Variants in LMF1 observed in about 807,000 individuals in gnomAD.
The protein encoded by LMF1 is transmembrane protein 112.
In LMF1, 68 loss-of-function variants were observed where a neutral mutation model predicts 60.6. The observed-to-expected ratio is 1.12, with a 90% CI of 0.92 to 1.37. The LOEUF (loss-of-function observed/expected upper bound fraction) is 1.37. Ranked by LOEUF, LMF1 falls within the 40% of genes most tolerant of loss-of-function variation. The pLI is 0.00. For synonymous variants in LMF1, 418 were observed against 324.7 expected, an observed-to-expected ratio of 1.29 and a Z score of -3.09; for missense variants, 948 against 767.2, an observed-to-expected ratio of 1.24 and a Z score of -2.78.
chr16:934,392 C>A lies in LMF1; in HGVS notation c.504-138G>T. 4 of 1,056,410 alleles carry A rather than the reference C, an allele frequency of 3.8e-6. No homozygotes were observed. In the South Asian group the frequency reaches 4.1e-5, roughly 11 times the overall value. 65.4% of individuals were successfully genotyped at this position (1,056,410 alleles called of 1,614,324 possible). ...GGGAAGCCCTGCGAGGAGGACCTGC[C>A]CGCTGGGCATTAGGGGAACAGGAGC... On this transcript the variant is annotated intron_variant, in intron 2 of 10. Transcript: ENST00000262301.
At chr16:895,843 A>G (rs1381260319) in intron 4 of LMF1, among the ~76,000 whole-genome samples, 1 of 151,644 alleles carries the variant, frequency 6.6e-6, no homozygotes, top group Non-Finnish European at 1.5e-5. Context: ...CGGTCCACAC[A>G]CACGCCTCGG....
chr16:919,490 C>T (rs905532093), intron 3 of LMF1, among the ~76,000 whole-genome samples: 2 of 73,738 alleles, frequency 2.7e-5, no homozygotes, highest in East Asian at 7.5e-4. Flanking sequence ...GACAGCAGTG[C>T]CGGCAGCACC....
intron 10 of LMF1, among the ~76,000 whole-genome samples, chr16:858,768 C>A (rs867601997): frequency 5.4e-5 from 3 of 55,344 alleles, no homozygotes; most frequent in Non-Finnish European, 9.6e-5. Context: ...TGTCACGGGA[C>A]GGGTGTGCAG....
intron 1 of LMF1, among the ~76,000 whole-genome samples, chr16:977,357 C>T (rs944357134): frequency 2.0e-5 from 3 of 152,146 alleles, no homozygotes; most frequent in African/African-American, 4.8e-5. Flanking sequence ...AGGGGTCCTG[C>T]GAACCCCTCC....
Position 962,678 on chromosome 16 carries a change from C to T in LMF1, c.194-8012G>A, listed in dbSNP as rs1163738965. Among the ~76,000 whole-genome samples, 6 of 152,090 alleles carry T rather than the reference C, an allele frequency of 3.9e-5. No individual in the cohort carries two copies. Among genetic ancestry groups the T allele is most frequent in the African/African-American group, 9.7e-5 (4 of 41,404 alleles). On this transcript the variant is annotated intron_variant, in intron 1 of 10. Coordinates refer to ENST00000262301, the MANE Select transcript of LMF1 (RefSeq NM_022773.4). The surrounding 1 kb of genome is among the most constrained non-coding windows in gnomAD (Gnocchi z 4.5). ...CAGGCCTGCTTGACACTGTCAAGGT[C>T]GGAATCCTGCACAGGAAAGTCTGGG...
intron 4 of LMF1, among the ~76,000 whole-genome samples, chr16:896,701 C>T (rs114665683): frequency 0.013 from 1,949 of 152,264 alleles, 41 homozygotes; most frequent in African/African-American, 0.044. Flanking sequence ...CTGCTCCCCC[C>T]GCATGAGCAC....
chr16:855,371 G>A, intron 10 of LMF1: 1 of 322,124 alleles, frequency 3.1e-6, no homozygotes, highest in South Asian at 2.7e-5. Flanking sequence ...AGGTCTCTCT[G>A]CTGAGCCCTG....
At chr16:917,189 C>A (rs1452729815) in intron 3 of LMF1, among the ~76,000 whole-genome samples, 1 of 152,240 alleles carries the variant, frequency 6.6e-6, no homozygotes, top group Non-Finnish European at 1.5e-5. Flanking sequence ...GACGGGTCAC[C>A]ACCATCTCAC....
At position 874,680 on chromosome 16, in the gene LMF1, G is replaced by A. The variant is rs966232005; in HGVS notation, c.898-3339C>T. Among the ~76,000 whole-genome samples, 4 of 152,012 alleles carry A rather than the reference G, an allele frequency of 2.6e-5. No homozygotes were observed. The highest frequency in any genetic ancestry group is 1.9e-4 in the East Asian group (1 of 5,192). ...GATCACGGGAACCAGGACAGGCTCC[G>A]GGGGACGGTGCTCAGATGGGAACAC... is the stretch of plus-strand genomic sequence containing the variant. On this transcript the variant is annotated intron_variant, in intron 6 of 10. Coordinates refer to ENST00000262301, the MANE Select transcript of LMF1 (RefSeq NM_022773.4). The surrounding 1 kb of genome is among the most constrained non-coding windows in gnomAD (Gnocchi z 4.1).
intron 6 of LMF1, 96 bp from the exon 7 acceptor site, chr16:871,437 A>C: frequency 3.9e-4 from 432 of 1,093,878 alleles, no homozygotes; most frequent in Non-Finnish European, 5.2e-4. Flanking sequence ...GGGGGAGGGA[A>C]CCTGCACCCA....
intron 1 of LMF1, among the ~76,000 whole-genome samples, chr16:978,005 CCA>C (rs1212802267): frequency 2.5e-4 from 35 of 138,038 alleles, no homozygotes; most frequent in African/African-American, 4.5e-4. Flanking sequence ...CACACACACA[CCA>C]CACACACACA....
At chr16:952,324 G>A (rs1192526791) in intron 2 of LMF1, among the ~76,000 whole-genome samples, 1 of 151,630 alleles carries the variant, frequency 6.6e-6, no homozygotes, top group African/African-American at 2.4e-5. Context: ...CCCCACAGGT[G>A]CCCTGATGCC....
intron 10 of LMF1, among the ~76,000 whole-genome samples, chr16:861,676 T>C (rs936222799): frequency 1.3e-5 from 2 of 152,040 alleles, no homozygotes; most frequent in African/African-American, 4.8e-5. Flanking sequence ...ATTCTAGGAG[T>C]GTTTTTGGTG....
rs1006776973 is a variant in LMF1 at position 853,762 on chromosome 16, G to A, written c.*770C>T. On this transcript the variant is annotated 3_prime_UTR_variant, in exon 11 of 11. Coordinates refer to ENST00000262301, the MANE Select transcript of LMF1 (RefSeq NM_022773.4). ...GTCCGACGATGATGAAAGTGTGCAC[G>A]GCCGGCTGTCCTCCGATTGAGGGGC... 3 of 454,128 alleles carry A rather than the reference G, an allele frequency of 6.6e-6. No homozygotes were observed. Among genetic ancestry groups the A allele is most frequent in the South Asian group, 1.6e-5 (1 of 64,478 alleles). 28.1% of individuals were successfully genotyped at this position (454,128 alleles called of 1,614,324 possible). A position where few individuals can be genotyped will look rare whatever the true frequency, so the allele number is the denominator to read the frequency against.
chr16:882,672 A>T (rs1358152353), intron 5 of LMF1, among the ~76,000 whole-genome samples: 1 of 152,082 alleles, frequency 6.6e-6, no homozygotes, highest in Non-Finnish European at 1.5e-5. Context: ...CAGGACCAGG[A>T]GAAAGAGAAG....
At position 954,784 on chromosome 16, in the gene LMF1, C is replaced by T. The variant is rs562340904; in HGVS notation, c.194-118G>A. On this transcript the variant is annotated intron_variant, in intron 1 of 10. Transcript: ENST00000262301. Reference sequence around the variant, plus strand: ...GGAAGGGGAGGCAGAGTCTGGCTGACGGTTTGGGGCCAAACCCTAGACTCA... The same window carrying T: ...GGAAGGGGAGGCAGAGTCTGGCTGATGGTTTGGGGCCAAACCCTAGACTCA... 84 of 910,826 alleles carry T rather than the reference C, an allele frequency of 9.2e-5. 1 individual carries two copies. Among genetic ancestry groups the T allele is most frequent in the South Asian group, 4.4e-4 (25 of 56,940 alleles). 56.4% of individuals were successfully genotyped at this position (910,826 alleles called of 1,614,324 possible).
At chr16:895,822 T>G (rs79697707) in intron 4 of LMF1, among the ~76,000 whole-genome samples, 2 of 147,302 alleles carry the variant, frequency 1.4e-5, no homozygotes, top group African/African-American at 2.5e-5. Context: ...ACCACCCACA[T>G]GCAGGCTGCA....
chr16:923,687 A>G (rs2071507813), intron 3 of LMF1, among the ~76,000 whole-genome samples: 1 of 152,200 alleles, frequency 6.6e-6, no homozygotes, highest in Non-Finnish European at 1.5e-5. Flanking sequence ...GCTCCTGGGA[A>G]CCATCTTAGG....
chr16:853,731 C>T lies in LMF1; in HGVS notation c.*801G>A. ...GAATAAGAAAAATGTGCAGTAGACG[C>T]TGTTTGTCCGACGATGATGAAAGTG... On this transcript the variant is annotated 3_prime_UTR_variant, in exon 11 of 11. Coordinates refer to ENST00000262301, the MANE Select transcript of LMF1 (RefSeq NM_022773.4). 4.4e-6 allele frequency: 2 copies of T among 454,150 alleles called. No individual in the cohort carries two copies. The highest frequency in any genetic ancestry group is 8.8e-6 in the Non-Finnish European group (2 of 226,794). 28.1% of individuals were successfully genotyped at this position (454,150 alleles called of 1,614,324 possible).
Sources: allele counts gnomAD v4.1 joint callset (sites outside exome capture counted in the v4.1 genomes callset), GRCh38; gene constraint gnomAD v4.1.1; non-coding constraint Gnocchi (gnomAD v3.1); transcripts MANE v1.5; gene names NCBI Gene and HGNC (gene_info 2026-07-23, HGNC 2026-07-21).